PRKN: variants seen among roughly 807,000 people sequenced by gnomAD.
The protein encoded by PRKN is parkin RBR E3 ubiquitin protein ligase, also known as E3 ubiquitin-protein ligase parkin.
Under a neutral mutation model 59.5 loss-of-function variants are expected in PRKN, and 56 were observed. The observed-to-expected ratio is 0.94, with a 90% CI of 0.76 to 1.18. PRKN has a LOEUF of 1.18. Ranked by LOEUF, PRKN falls within the 50% of genes most tolerant of loss-of-function variation. The pLI is 0.00. For missense variants in PRKN, 657 were observed against 596.4 expected (o/e 1.10, Z -1.06); for synonymous variants, 250 against 222.1 (o/e 1.13, Z -1.12).
At chr6:162,328,001 C>A (rs1375191401) in intron 2 of PRKN, among the ~76,000 whole-genome samples, 1 of 152,110 alleles carries the variant, frequency 6.6e-6, no homozygotes, top group African/African-American at 2.4e-5. Context: ...GTGGGCAGGG[C>A]AAGCGACGCT....
At position 161,377,116 on chromosome 6, in the gene PRKN, G is replaced by T. The variant is rs1268716504; in HGVS notation, c.1167+9678C>A. On this transcript the variant is annotated intron_variant, in intron 10 of 11. Transcript: ENST00000366898. The surrounding 1 kb of genome is among the most constrained non-coding windows in gnomAD (Gnocchi z 4.2). ...TGTCTGTGGAGGGAAAAGAGGTCAC[G>T]TGGGGCTACCTGCGGGCCAATAAGA... is the stretch of plus-strand genomic sequence containing the variant. 6.6e-6 allele frequency among the ~76,000 whole-genome samples: 1 copy of T among 152,228 alleles called. No individual in the cohort carries two copies. The highest frequency in any genetic ancestry group is 1.5e-5 in the Non-Finnish European group (1 of 68,038).
chr6:162,326,754 A>G (rs1412240938), intron 2 of PRKN, among the ~76,000 whole-genome samples: 1 of 152,174 alleles, frequency 6.6e-6, no homozygotes, highest in Non-Finnish European at 1.5e-5. Context: ...TACTGAACTT[A>G]GGAAGAAAAT....
intron 7 of PRKN, among the ~76,000 whole-genome samples, chr6:161,681,805 G>T (rs544608011): frequency 6.6e-6 from 1 of 152,322 alleles, no homozygotes; most frequent in South Asian, 2.1e-4. Context: ...GATATGTGTG[G>T]CCAGATAATG....
At chr6:161,884,599 T>C (rs1795062512) in intron 6 of PRKN, among the ~76,000 whole-genome samples, 1 of 152,222 alleles carries the variant, frequency 6.6e-6, no homozygotes, top group Non-Finnish European at 1.5e-5. Context: ...GTGATTCTTT[T>C]ATCAAGTAAT....
intron 1 of PRKN, among the ~76,000 whole-genome samples, chr6:162,606,243 C>T (rs1781908206): frequency 6.6e-6 from 1 of 152,128 alleles, no homozygotes; most frequent in African/African-American, 2.4e-5. Flanking sequence ...ATTTAAAATA[C>T]CCTAAGTTGA....
intron 7 of PRKN, among the ~76,000 whole-genome samples, chr6:161,717,613 A>G (rs892265373): frequency 9.2e-5 from 14 of 152,212 alleles, no homozygotes; most frequent in African/African-American, 3.1e-4. Context: ...CTAATTCGTG[A>G]ATACTTTGAT....
At chr6:161,875,137 A>G (rs966895915) in intron 6 of PRKN, among the ~76,000 whole-genome samples, 1 of 134,430 alleles carries the variant, frequency 7.4e-6, no homozygotes, top group East Asian at 2.0e-4. Flanking sequence ...TATTATATAT[A>G]ATATATATAA....
chr6:162,339,925 G>T (rs1479383367), intron 2 of PRKN, among the ~76,000 whole-genome samples: 1 of 148,794 alleles, frequency 6.7e-6, no homozygotes, highest in Non-Finnish European at 1.5e-5. Flanking sequence ...TTGTTAAACA[G>T]ATGCTTGAAG....
chr6:161,981,064 T>G (rs2128254323), intron 5 of PRKN, among the ~76,000 whole-genome samples: 1 of 152,370 alleles, frequency 6.6e-6, no homozygotes, highest in South Asian at 2.1e-4. Context: ...GATACAGGGC[T>G]GTGGTTACTG....
At chr6:162,529,519 G>A (rs2846496) in intron 1 of PRKN, among the ~76,000 whole-genome samples, 53,172 of 151,844 alleles carry the variant, frequency 0.35, 11,101 homozygotes, top group Middle Eastern at 0.51. Context: ...TCTGTGTTCT[G>A]CAGCAGGCAG....
intron 2 of PRKN, among the ~76,000 whole-genome samples, chr6:162,266,774 T>C (rs1036119509): frequency 6.6e-6 from 1 of 152,196 alleles, no homozygotes; most frequent in African/African-American, 2.4e-5. Context: ...CGATCCGCAA[T>C]GATACATCGT....
chr6:162,292,545 G>A (rs946647449), intron 2 of PRKN, among the ~76,000 whole-genome samples: 1 of 152,108 alleles, frequency 6.6e-6, no homozygotes, highest in Non-Finnish European at 1.5e-5. Flanking sequence ...TGAATCTACA[G>A]CAGCCACAAT....
intron 1 of PRKN, among the ~76,000 whole-genome samples, chr6:162,672,812 C>T (rs1562486351): frequency 1.3e-5 from 2 of 151,940 alleles, no homozygotes; most frequent in Non-Finnish European, 2.9e-5. Context: ...AGGCCTCTTT[C>T]TGATTTTAAA....
At chr6:162,539,822 C>G (rs1778856772) in intron 1 of PRKN, among the ~76,000 whole-genome samples, 4 of 152,124 alleles carry the variant, frequency 2.6e-5, no homozygotes, top group Admixed American at 2.6e-4. Context: ...AAGACACATG[C>G]AAAAGATGTA....
chr6:162,251,853 T>C (rs10945806), intron 3 of PRKN, among the ~76,000 whole-genome samples: 1 of 152,242 alleles, frequency 6.6e-6, no homozygotes, highest in Non-Finnish European at 1.5e-5. Context: ...TTTCATTTTA[T>C]AGAACTGCCA....
At position 161,936,342 on chromosome 6, in the gene PRKN, G is replaced by A. The variant is rs780021872; in HGVS notation, c.734+36960C>T. On this transcript the variant is annotated intron_variant, in intron 6 of 11. Coordinates refer to ENST00000366898, the MANE Select transcript of PRKN (RefSeq NM_004562.3). The stretch of plus-strand genomic sequence containing the variant: ...TTCTGCCTCAGTCTCCCAAGCAGCT[G>A]GGGACTACAGGCGCATGCCACAACA... Among the ~76,000 whole-genome samples the A allele has an allele frequency of 5.5e-4, 83 of 151,620 alleles. 2 individuals are homozygous for A. Among genetic ancestry groups the A allele is most frequent in the Admixed American group, 1.3e-4 (2 of 15,198 alleles).
chr6:162,136,815 T>A (rs1033995439), intron 4 of PRKN, among the ~76,000 whole-genome samples: 2 of 152,340 alleles, frequency 1.3e-5, no homozygotes, highest in South Asian at 4.1e-4. Context: ...GGGCCTCTGC[T>A]TATTGTTTAT....
chr6:162,168,972 G>A (rs1174785142), intron 4 of PRKN, among the ~76,000 whole-genome samples: 1 of 152,114 alleles, frequency 6.6e-6, no homozygotes, highest in Non-Finnish European at 1.5e-5. Context: ...TTCTTGGAAG[G>A]TTCTTTGCTG....
chr6:162,405,127 T>C (rs1327319569), intron 2 of PRKN, among the ~76,000 whole-genome samples: 3 of 152,236 alleles, frequency 2.0e-5, no homozygotes, highest in African/African-American at 7.2e-5. Context: ...CCTGAAGCCT[T>C]TAAGAGACAA....
Sources: gnomAD v4.1 joint callset for allele counts (sites outside exome capture counted in the v4.1 genomes callset) on GRCh38, gnomAD v4.1.1 for gene constraint, Gnocchi (gnomAD v3.1) non-coding constraint, MANE v1.5 for transcripts, NCBI Gene and HGNC (gene_info 2026-07-23, HGNC 2026-07-21) for gene names.